The following ARHGAP42 variants were observed in gnomAD, a reference collection of about 807,000 sequenced individuals.
The protein encoded by ARHGAP42 is rho GTPase-activating protein 42.
In ARHGAP42, 63 loss-of-function variants were observed where a neutral mutation model predicts 125.0. The ratio of observed to expected loss-of-function variants is 0.50; its 90% CI spans 0.41 to 0.62. ARHGAP42 has a LOEUF of 0.62. Ranked by LOEUF, ARHGAP42 falls within the 20% of genes least tolerant of loss-of-function variation. The probability of loss-of-function intolerance (pLI) is 0.00; values close to 1 mark genes in which losing one functional copy is unlikely to be tolerated. For missense variants in ARHGAP42, 766 were observed against 1,024.2 expected (o/e 0.75, Z 3.44); for synonymous variants, 339 against 351.0 (o/e 0.97, Z 0.38).
intron 1 of ARHGAP42, among the ~76,000 whole-genome samples, chr11:100,768,571 C>A (rs17095429): frequency 0.26 from 39,532 of 151,972 alleles, 5,380 homozygotes; most frequent in Non-Finnish European, 0.3. Context: ...AAGGACTCAG[C>A]TATTAGACTT....
At chr11:100,847,504 G>A (rs1429667476) in intron 3 of ARHGAP42, among the ~76,000 whole-genome samples, 1 of 152,166 alleles carries the variant, frequency 6.6e-6, no homozygotes, top group East Asian at 1.9e-4. Context: ...TGAAGGTTGT[G>A]GAGAGATGAT....
At chr11:100,955,300 T>A (rs557160288) in intron 12 of ARHGAP42, among the ~76,000 whole-genome samples, 174 of 152,272 alleles carry the variant, frequency 1.1e-3, no homozygotes, top group Non-Finnish European at 1.9e-3. Context: ...TAGTCTGTCT[T>A]CTGCTTCTAC....
intron 7 of ARHGAP42, among the ~76,000 whole-genome samples, chr11:100,933,484 A>C (rs1218065968): frequency 6.6e-6 from 1 of 152,160 alleles, no homozygotes; most frequent in Non-Finnish European, 1.5e-5. Context: ...TGTTCTTGTT[A>C]ATTTACTGGG....
Position 100,990,566 on chromosome 11 carries a change from A to C in ARHGAP42, c.*1765A>C, listed in dbSNP as rs1858806415. Reference sequence around the variant, plus strand: ...AGCAATGTAATGTAAACGTTTGATAAAAGAGTATCTTTTTCTTTTATCTCT... The same window carrying C: ...AGCAATGTAATGTAAACGTTTGATACAAGAGTATCTTTTTCTTTTATCTCT... On this transcript the variant is annotated 3_prime_UTR_variant, in exon 24 of 24. Coordinates refer to ENST00000298815, the MANE Select transcript of ARHGAP42 (RefSeq NM_152432.4). The C allele has an allele frequency of 6.6e-6, 1 of 152,306 alleles. No individual in the cohort carries two copies. Among genetic ancestry groups the C allele is most frequent in the Non-Finnish European group, 1.5e-5 (1 of 68,024 alleles). The allele number at this position is 152,306 out of a possible 1,614,324, so 9.4% of individuals were successfully genotyped here.
chr11:100,742,576 G>T (rs1166957316), intron 1 of ARHGAP42, among the ~76,000 whole-genome samples: 1 of 152,152 alleles, frequency 6.6e-6, no homozygotes, highest in African/African-American at 2.4e-5. Context: ...CTTGCTACGT[G>T]CCAGGCATTC....
chr11:100,756,392 T>C (rs552700136), intron 1 of ARHGAP42, among the ~76,000 whole-genome samples: 7 of 152,238 alleles, frequency 4.6e-5, no homozygotes, highest in African/African-American at 1.7e-4. Context: ...AGCAAGACCC[T>C]GTCTCAAAAA....
At chr11:100,786,988 G>C (rs989380776) in intron 2 of ARHGAP42, among the ~76,000 whole-genome samples, 1 of 152,058 alleles carries the variant, frequency 6.6e-6, no homozygotes, top group Non-Finnish European at 1.5e-5. Flanking sequence ...GTTTAAAAGT[G>C]GCAGTTTCGC....
At chr11:100,733,039 T>C (rs1861987820) in intron 1 of ARHGAP42, among the ~76,000 whole-genome samples, 1 of 152,196 alleles carries the variant, frequency 6.6e-6, no homozygotes, top group African/African-American at 2.4e-5. Context: ...ACAAATCCAG[T>C]GTAACACTTG....
At chr11:100,855,572 AAG>A (rs1402688660) in intron 3 of ARHGAP42, among the ~76,000 whole-genome samples, 1 of 152,076 alleles carries the variant, frequency 6.6e-6, no homozygotes, top group African/African-American at 2.4e-5. Flanking sequence ...GGGGGAAAAA[AAG>A]GAAATCCAAA....
At chr11:100,860,083 C>G (rs1034223918) in intron 4 of ARHGAP42, among the ~76,000 whole-genome samples, 1 of 151,764 alleles carries the variant, frequency 6.6e-6, no homozygotes, top group Non-Finnish European at 1.5e-5. Context: ...GACTATGGAC[C>G]AATTAAATTT....
At chr11:100,899,700 TTTTTG>T (rs1565265854) in intron 4 of ARHGAP42, among the ~76,000 whole-genome samples, 4 of 147,528 alleles carry the variant, frequency 2.7e-5, no homozygotes, top group African/African-American at 7.7e-5. Context: ...TGTTTTGTTT[TTTTTG>T]TTTTGTTTTG....
intron 6 of ARHGAP42, among the ~76,000 whole-genome samples, chr11:100,926,241 G>A (rs76049886): frequency 5.9e-5 from 9 of 152,242 alleles, no homozygotes; most frequent in East Asian, 1.9e-4. Flanking sequence ...GTTAGCTCAC[G>A]TAAATCCATA....
chr11:100,960,285 A>T (rs1242526020), intron 13 of ARHGAP42, among the ~76,000 whole-genome samples: 2 of 148,082 alleles, frequency 1.4e-5, no homozygotes, highest in South Asian at 2.1e-4. Flanking sequence ...GCTTGTCTTC[A>T]CTCCCTTCCT....
At chr11:100,715,549 A>T (rs946791631) in intron 1 of ARHGAP42, among the ~76,000 whole-genome samples, 1 of 152,130 alleles carries the variant, frequency 6.6e-6, no homozygotes, top group Non-Finnish European at 1.5e-5. Flanking sequence ...TGCTTTGCTT[A>T]ACTTGATGTG....
chr11:100,887,167 T>G (rs556598521), intron 4 of ARHGAP42, among the ~76,000 whole-genome samples: 98 of 152,306 alleles, frequency 6.4e-4, no homozygotes, highest in African/African-American at 2.2e-3. Flanking sequence ...TCAATGCATT[T>G]CCAGTACTCA....
At chr11:100,755,317 G>A (rs1487463161) in intron 1 of ARHGAP42, among the ~76,000 whole-genome samples, 2 of 152,148 alleles carry the variant, frequency 1.3e-5, no homozygotes, top group Non-Finnish European at 2.9e-5. Context: ...ACAATGGGCT[G>A]GGTCCCTGCA....
At chr11:100,731,756 T>G (rs1274176693) in intron 1 of ARHGAP42, among the ~76,000 whole-genome samples, 1 of 152,100 alleles carries the variant, frequency 6.6e-6, no homozygotes, top group African/African-American at 2.4e-5. Context: ...CCCACCCCAA[T>G]TAGCAGCTAT....
At chr11:100,690,389 C>T (rs992707129) in intron 1 of ARHGAP42, among the ~76,000 whole-genome samples, 1 of 152,228 alleles carries the variant, frequency 6.6e-6, no homozygotes, top group Middle Eastern at 3.4e-3. Flanking sequence ...TTGACTTGCA[C>T]TCTCTTAGGT....
At position 100,770,406 on chromosome 11, in the gene ARHGAP42, G is replaced by T; in HGVS notation, c.218G>T (p.Gly73Val). ...CAAGATTTCCAGTTTGAATGTATTG[G>T]TGATGCTGAAACAGATGATGAAATT... ...SLQDFQFECI[G>V]DAETDDEISI... Residue 73 changes from glycine to valine, a missense_variant, in exon 2 of 24, where the codon GGT (glycine) becomes GTT (valine). Physicochemically the swap from Gly to Val is moderately radical, Grantham distance 109. Coordinates refer to ENST00000298815, the MANE Select transcript of ARHGAP42 (RefSeq NM_152432.4). 1 of 1,550,638 alleles carries T rather than the reference G, an allele frequency of 6.4e-7. No homozygotes were observed. The highest frequency in any genetic ancestry group is 8.7e-7 in the Non-Finnish European group (1 of 1,146,426).
Sources: gnomAD v4.1 joint callset for allele counts (sites outside exome capture counted in the v4.1 genomes callset) on GRCh38, gnomAD v4.1.1 for gene constraint, MANE v1.5 for transcripts, NCBI Gene and HGNC (gene_info 2026-07-23, HGNC 2026-07-21) for gene names.